Variants in PCDHGA8 observed in about 807,000 individuals in gnomAD.
PCDHGA8 encodes protocadherin gamma subfamily A, 8, also known as protocadherin gamma-A8.
In PCDHGA8, 45 loss-of-function variants were observed where a neutral mutation model predicts 59.2. The observed-to-expected ratio is 0.76, with a 90% CI of 0.60 to 0.98. The LOEUF is 0.98. Among genes scored for constraint, PCDHGA8 ranks in the 50% least tolerant of loss-of-function variants. PCDHGA8 has a pLI of 0.00. For missense variants in PCDHGA8, 1,257 were observed against 1,196.2 expected, an observed-to-expected ratio of 1.05 and a Z score of -0.75; for synonymous variants, 531 against 519.0, an observed-to-expected ratio of 1.02 and a Z score of -0.32.
In PCDHGA8 at chr5:141,506,418, G is replaced by A. The variant is rs2099853241; in HGVS notation, c.2572+937G>A. Among the ~76,000 whole-genome samples, 3 of 141,160 alleles carry A rather than the reference G, an allele frequency of 2.1e-5. No homozygotes were observed. The South Asian group carries it at 6.6e-4, about 31-fold the overall frequency. 92.6% of individuals were successfully genotyped at this position (141,160 alleles called of 152,430 possible). The stretch of plus-strand genomic sequence containing the variant: ...CAGAAAATCGCACCACTGCACTCCA[G>A]CCTGGGCAACAGTCTCGCTCTGTCT... On this transcript the variant is annotated intron_variant, in intron 3 of 3. Coordinates refer to ENST00000398604, the MANE Select transcript of PCDHGA8 (RefSeq NM_032088.2).
intron 1 of PCDHGA8, among the ~76,000 whole-genome samples, chr5:141,483,722 C>G (rs1043315057): frequency 6.6e-6 from 1 of 152,080 alleles, no homozygotes; most frequent in Non-Finnish European, 1.5e-5. Context: ...TATTGGTTCC[C>G]ACCATAGTCA....
chr5:141,403,177 C>T, intron 1 of PCDHGA8: 3 of 1,614,008 alleles, frequency 1.9e-6, no homozygotes, highest in Non-Finnish European at 2.5e-6. Context: ...CGCAGCTTTT[C>T]TCTCTGAACC....
At position 141,477,532 on chromosome 5, in the gene PCDHGA8, CG is replaced by C; in HGVS notation, c.2425-17271del. 6.2e-7 allele frequency: 1 copy of C among 1,614,146 alleles called. No individual in the cohort carries two copies. The highest frequency in any genetic ancestry group is 8.5e-7 in the Non-Finnish European group (1 of 1,180,028). Reference sequence around the variant, plus strand: ...TTTACATTGAAGAAAACAACCTCCCCGGGGCTCCAATACTAAACCTAAGTGT... The same window carrying C: ...TTTACATTGAAGAAAACAACCTCCCCGGGCTCCAATACTAAACCTAAGTGT... On this transcript the variant is annotated intron_variant, in intron 1 of 3. Transcript: ENST00000398604. This position sits in a 1 kb window ranked among gnomAD's most constrained non-coding sequence, Gnocchi z 4.9.
chr5:141,400,565 A>C (rs766459739), intron 1 of PCDHGA8: 1 of 1,612,948 alleles, frequency 6.2e-7, no homozygotes, highest in South Asian at 1.1e-5. Flanking sequence ...TTACCCACCC[A>C]ATTTTCTGTA....
chr5:141,478,387 C>T, intron 1 of PCDHGA8: 1 of 1,613,642 alleles, frequency 6.2e-7, no homozygotes, highest in Non-Finnish European at 8.5e-7. Context: ...CGCACCTTTA[C>T]CATCAGGTGT....
intron 1 of PCDHGA8, chr5:141,404,679 A>G: frequency 6.2e-7 from 1 of 1,614,096 alleles, no homozygotes; most frequent in Admixed American, 1.7e-5. Flanking sequence ...ACTGGTGTGG[A>G]GCTGGCACCC....
At chr5:141,430,595 G>C (rs549786394) in intron 1 of PCDHGA8, 1 of 567,016 alleles carries the variant, frequency 1.8e-6, no homozygotes. Flanking sequence ...CCTTGCACGC[G>C]CCTGAAGCAC....
At chr5:141,404,287 C>A in intron 1 of PCDHGA8, 1 of 1,613,976 alleles carries the variant, frequency 6.2e-7, no homozygotes, top group Non-Finnish European at 8.5e-7. Flanking sequence ...TGACTGACAT[C>A]AATGATAATC....
intron 1 of PCDHGA8, among the ~76,000 whole-genome samples, chr5:141,438,296 A>G (rs902991313): frequency 6.6e-6 from 1 of 152,034 alleles, no homozygotes; most frequent in Non-Finnish European, 1.5e-5. Context: ...CTGTATGTAA[A>G]AGAAGTTGGT....
intron 1 of PCDHGA8, chr5:141,414,601 T>A: frequency 6.2e-7 from 1 of 1,613,944 alleles, no homozygotes; most frequent in Non-Finnish European, 8.5e-7. Flanking sequence ...TGCCTCCATC[T>A]TCTCAGTGAC....
chr5:141,419,426 G>A (rs753089031), intron 1 of PCDHGA8: 19 of 1,613,194 alleles, frequency 1.2e-5, no homozygotes, highest in Non-Finnish European at 1.5e-5. Context: ...CTTCGACCAC[G>A]AGCAGCTGCG....
In PCDHGA8 at chr5:141,486,574, C is replaced by T. The variant is rs1435813800; in HGVS notation, c.2425-8233C>T. On this transcript the variant is annotated intron_variant, in intron 1 of 3. Transcript: ENST00000398604. This position sits in a 1 kb window ranked among gnomAD's most constrained non-coding sequence, Gnocchi z 5.0. ...CACATGAGGTGTTTGTTCCTGAGAACAATCGCCCAGGGGACCTGCTTTGCT... is the reference window on the plus strand; with the variant it reads ...CACATGAGGTGTTTGTTCCTGAGAATAATCGCCCAGGGGACCTGCTTTGCT... The T allele has an allele frequency of 1.9e-6, 3 of 1,613,868 alleles. No homozygotes were observed. Among genetic ancestry groups the T allele is most frequent in the Non-Finnish European group, 2.5e-6 (3 of 1,180,002 alleles).
In PCDHGA8 at chr5:141,493,356, C is replaced by G. The variant is rs1303319550; in HGVS notation, c.2425-1451C>G. On this transcript the variant is annotated intron_variant, in intron 1 of 3. Transcript: ENST00000398604. The surrounding 1 kb of genome is among the most constrained non-coding windows in gnomAD (Gnocchi z 4.3). ...ACTCCAGAATGTGTGCTTTTAATTT[C>G]TTGGCACTTGGAACTTTAAAAGCTT... Among the ~76,000 whole-genome samples the G allele has an allele frequency of 6.6e-6, 1 of 152,182 alleles. No individual in the cohort carries two copies. The highest frequency in any genetic ancestry group is 1.5e-5 in the Non-Finnish European group (1 of 68,032).
intron 1 of PCDHGA8, among the ~76,000 whole-genome samples, chr5:141,402,701 G>T (rs1561683907): frequency 1.3e-5 from 2 of 152,178 alleles, no homozygotes; most frequent in African/African-American, 2.4e-5. Context: ...ACATCAGTGG[G>T]TGTAGTAACG....
intron 2 of PCDHGA8, among the ~76,000 whole-genome samples, chr5:141,496,703 GT>G (rs1360916053): frequency 6.6e-6 from 1 of 152,132 alleles, no homozygotes; most frequent in East Asian, 1.9e-4. Context: ...CTTCTCATAA[GT>G]TATCCATTAA....
At position 141,437,305 on chromosome 5, in the gene PCDHGA8, G is replaced by A. The variant is rs369317069; in HGVS notation, c.2424+42068G>A. On this transcript the variant is annotated intron_variant, in intron 1 of 3. Transcript: ENST00000398604. ...TATCCATTTCATCTAACAAGTTAAA[G>A]CGTTCAGCTATAATTTAAAATTTGT... 1.8e-4 allele frequency among the ~76,000 whole-genome samples: 28 copies of A among 152,266 alleles called. No homozygotes were observed. In the South Asian group the frequency reaches 4.8e-3, roughly 26 times the overall value.
intron 1 of PCDHGA8, chr5:141,478,484 C>T (rs376021397): frequency 6.2e-7 from 1 of 1,613,458 alleles, no homozygotes; most frequent in South Asian, 1.1e-5. Flanking sequence ...GAACACGCTG[C>T]GGAGCTGTGA....
chr5:141,483,606 C>T (rs1460635551), intron 1 of PCDHGA8, among the ~76,000 whole-genome samples: 1 of 151,984 alleles, frequency 6.6e-6, no homozygotes, highest in Non-Finnish European at 1.5e-5. Flanking sequence ...CTGGTTTACA[C>T]CTCCATCATT....
chr5:141,439,172 G>A (rs1181712838), intron 1 of PCDHGA8, among the ~76,000 whole-genome samples: 1 of 147,496 alleles, frequency 6.8e-6, no homozygotes, highest in Admixed American at 6.8e-5. Context: ...CAGCCTGGGC[G>A]ACATAGTGAG....
Sources: gnomAD v4.1 joint callset for allele counts (sites outside exome capture counted in the v4.1 genomes callset) on GRCh38, gnomAD v4.1.1 for gene constraint, Gnocchi (gnomAD v3.1) non-coding constraint, MANE v1.5 for transcripts, NCBI Gene and HGNC (gene_info 2026-07-23, HGNC 2026-07-21) for gene names.